Variants in ALG6 observed in about 807,000 individuals in gnomAD.
ALG6 encodes ALG6 alpha-1,3-glucosyltransferase, also known as dolichyl pyrophosphate Man9GlcNAc2 alpha-1,3-glucosyltransferase.
In ALG6, 46 loss-of-function variants were observed where a neutral mutation model predicts 66.6. The observed-to-expected ratio is 0.69, with a 90% confidence interval of 0.55 to 0.88. The LOEUF (loss-of-function observed/expected upper bound fraction) is 0.88. Among genes scored for constraint, ALG6 ranks in the 40% least tolerant of loss-of-function variants. The pLI, the probability that ALG6 is intolerant of heterozygous loss-of-function variation, is 0.00. For missense variants in ALG6, 505 were observed against 586.8 expected (o/e 0.86, Z 1.44); for synonymous variants, 185 against 203.7 (o/e 0.91, Z 0.78).
In ALG6 at chr1:63,402,343, TGTAA is replaced by T; in HGVS notation, c.257+3_257+6del. ...TATCATAGTCTCCTATGTGCATATG[TGTAA>T]GTTTTTCTTTCTTAATGTAACTCTA... On this transcript the variant is annotated splice_donor_variant and splice_donor_region_variant and intron_variant, in intron 4 of 14. Transcript: ENST00000263440. LOFTEE classifies it high-confidence loss of function. The T allele has an allele frequency of 1.9e-6, 3 of 1,603,712 alleles. No homozygotes were observed. Among genetic ancestry groups the T allele is most frequent in the Non-Finnish European group, 2.6e-6 (3 of 1,171,042 alleles).
At chr1:63,420,438 T>A (rs1644567556) in intron 12 of ALG6, among the ~76,000 whole-genome samples, 1 of 152,218 alleles carries the variant, frequency 6.6e-6, no homozygotes, top group Admixed American at 6.5e-5. Flanking sequence ...TCAGGACCTA[T>A]AATCTGACCA....
At chr1:63,435,995 TC>T (rs979180045) in intron 14 of ALG6, among the ~76,000 whole-genome samples, 2 of 152,148 alleles carry the variant, frequency 1.3e-5, no homozygotes, top group African/African-American at 2.4e-5. Flanking sequence ...TATTTAACAT[TC>T]CCCTCAGTAG....
At position 63,372,682 on chromosome 1, in the gene ALG6, GA is replaced by G. The variant is rs552709060; in HGVS notation, c.82+1631del. Among the ~76,000 whole-genome samples the G allele has an allele frequency of 7.3e-5, 11 of 151,576 alleles. No homozygotes were observed. In the South Asian group the frequency reaches 1.5e-3, roughly 20 times the overall value. On this transcript the variant is annotated intron_variant, in intron 2 of 14. Transcript: ENST00000263440. The stretch of plus-strand genomic sequence containing the variant: ...TGTGTATATCGTAGCTTTTTTTTGA[GA>G]AAAAAAAGCTCTGTCACCCAGGCTG...
At chr1:63,418,745 G>T (rs1008355930) in intron 11 of ALG6, among the ~76,000 whole-genome samples, 2 of 152,158 alleles carry the variant, frequency 1.3e-5, no homozygotes, top group Non-Finnish European at 2.9e-5. Context: ...TAGCAGAGGG[G>T]AATGGAGAGA....
At chr1:63,421,221 C>T (rs1171939042) in intron 12 of ALG6, among the ~76,000 whole-genome samples, 1 of 152,054 alleles carries the variant, frequency 6.6e-6, no homozygotes, top group Non-Finnish European at 1.5e-5. Flanking sequence ...TCTTGTTGCC[C>T]AAGCTGGAGT....
intron 3 of ALG6, among the ~76,000 whole-genome samples, chr1:63,399,386 T>C (rs948593455): frequency 1.3e-5 from 2 of 152,104 alleles, no homozygotes; most frequent in East Asian, 3.9e-4. Context: ...TTGCCTACGC[T>C]CAAGGGGAGG....
chr1:63,383,543 G>A (rs1648403742), intron 2 of ALG6, among the ~76,000 whole-genome samples: 1 of 152,072 alleles, frequency 6.6e-6, no homozygotes, highest in African/African-American at 2.4e-5. Flanking sequence ...AGCCTTACAG[G>A]TAGCCAGGAC....
Position 63,411,325 on chromosome 1 carries a change from G to A in ALG6, c.674G>A (p.Gly225Glu). Reference sequence around the variant, plus strand: ...AAGTGTTTTAAAAAAGGCCTCAAAGGAAAGGGGTGAGTGACTTTTAAACAC... The same window carrying A: ...AAGTGTTTTAAAAAAGGCCTCAAAGAAAAGGGGTGAGTGACTTTTAAACAC... ...LGKCFKKGLK[G>E]KGFVLLVKLA... is the part of the protein sequence containing the mutation. The change falls in exon 8 of 15, where the codon GGA (glycine) becomes GAA (glutamate). Residue 225 changes from glycine to glutamate, a missense_variant. By Grantham distance (98) the Gly-to-Glu change is moderately conservative (BLOSUM62 -2). Coordinates refer to ENST00000263440, the MANE Select transcript of ALG6 (RefSeq NM_013339.4). 1 of 1,613,526 alleles carries A rather than the reference G, an allele frequency of 6.2e-7. No individual in the cohort carries two copies. Among genetic ancestry groups the A allele is most frequent in the South Asian group, 1.1e-5 (1 of 90,974 alleles).
intron 2 of ALG6, among the ~76,000 whole-genome samples, chr1:63,374,066 C>T (rs1297992901): frequency 2.0e-5 from 3 of 152,136 alleles, no homozygotes; most frequent in Non-Finnish European, 2.9e-5. Flanking sequence ...CAGGTAATAT[C>T]TTCGATTTAC....
chr1:63,367,701 A>T lies in ALG6; in HGVS notation c.-208+14A>T, dbSNP rs1422338911. ...GCGGGCGGCGGGGTAAGAGCATGGGATCCCGGAGGTTCCGGACCCCAGGCC... is the reference window on the plus strand; with the variant it reads ...GCGGGCGGCGGGGTAAGAGCATGGGTTCCCGGAGGTTCCGGACCCCAGGCC... On this transcript the variant is annotated intron_variant, in intron 1 of 14. Transcript: ENST00000263440. The T allele has an allele frequency of 2.6e-5, 4 of 152,140 alleles. No individual in the cohort carries two copies. Among genetic ancestry groups the T allele is most frequent in the Admixed American group, 6.5e-5 (1 of 15,286 alleles). The allele number at this position is 152,140 out of a possible 1,614,324, so 9.4% of individuals were successfully genotyped here.
At chr1:63,414,931 C>T (rs1476884190) in intron 10 of ALG6, among the ~76,000 whole-genome samples, 1 of 152,120 alleles carries the variant, frequency 6.6e-6, no homozygotes, top group South Asian at 2.1e-4. Context: ...AGGCCTCAGC[C>T]GTCTTTTAAA....
At chr1:63,376,780 T>C (rs1317516151) in intron 2 of ALG6, among the ~76,000 whole-genome samples, 1 of 152,186 alleles carries the variant, frequency 6.6e-6, no homozygotes, top group East Asian at 1.9e-4. Flanking sequence ...GAATGTGTAA[T>C]CTCTAGTTTA....
At chr1:63,410,518 G>T (rs1257607628) in intron 7 of ALG6, among the ~76,000 whole-genome samples, 1 of 152,098 alleles carries the variant, frequency 6.6e-6, no homozygotes, top group African/African-American at 2.4e-5. Flanking sequence ...GCCTTCCAAA[G>T]TGTTGGGTTT....
intron 2 of ALG6, among the ~76,000 whole-genome samples, chr1:63,379,642 T>G (rs1648239515): frequency 6.6e-6 from 1 of 152,070 alleles, no homozygotes; most frequent in Admixed American, 6.5e-5. Context: ...TGCTGTTGTT[T>G]CTGGGGCCTC....
intron 2 of ALG6, among the ~76,000 whole-genome samples, chr1:63,381,667 G>A (rs927545893): frequency 1.8e-5 from 1 of 56,032 alleles, no homozygotes; most frequent in Non-Finnish European, 3.3e-5. Context: ...AGAAGGAAGG[G>A]AGGGGAGGGG....
chr1:63,408,251 G>C (rs2100418504), intron 7 of ALG6, among the ~76,000 whole-genome samples: 1 of 152,156 alleles, frequency 6.6e-6, no homozygotes, highest in African/African-American at 2.4e-5. Flanking sequence ...ATATGAAAGG[G>C]ACAGCATAGT....
intron 14 of ALG6, 129 bp downstream of exon 14, chr1:63,429,255 C>A (rs534413428): frequency 4.2e-6 from 3 of 711,832 alleles, no homozygotes; most frequent in South Asian, 1.9e-5. Flanking sequence ...TTAAAGTATA[C>A]AACTTAGTGG....
intron 14 of ALG6, among the ~76,000 whole-genome samples, chr1:63,436,374 G>C (rs1403891098): frequency 3.3e-5 from 5 of 152,038 alleles, no homozygotes; most frequent in Non-Finnish European, 7.4e-5. Context: ...CTACTGACCT[G>C]CCAAACACTA....
chr1:63,387,358 G>T (rs952569566), intron 2 of ALG6, among the ~76,000 whole-genome samples: 20 of 151,966 alleles, frequency 1.3e-4, no homozygotes, highest in African/African-American at 4.6e-4. Flanking sequence ...TTTGTCCAGT[G>T]CTGAAATTGA....
Sources: allele counts gnomAD v4.1 joint callset (sites outside exome capture counted in the v4.1 genomes callset), GRCh38; gene constraint gnomAD v4.1.1; transcripts MANE v1.5; gene names NCBI Gene and HGNC (gene_info 2026-07-23, HGNC 2026-07-21).